MRPL48: variants seen among roughly 807,000 people sequenced by gnomAD.
The protein encoded by MRPL48 is large ribosomal subunit protein mL48.
MRPL48 carries 16 observed loss-of-function variants against 32.9 expected under a neutral mutation model. The observed-to-expected ratio is 0.49, with a 90% CI of 0.33 to 0.74. MRPL48 has a LOEUF of 0.74. Ranked by LOEUF, MRPL48 falls within the 30% of genes least tolerant of loss-of-function variation. The probability of loss-of-function intolerance (pLI) is 0.02; values close to 1 mark genes in which losing one functional copy is unlikely to be tolerated. For synonymous variants in MRPL48, 94 were observed against 89.2 expected, an observed-to-expected ratio of 1.05 and a Z score of -0.31; for missense variants, 206 against 245.3, an observed-to-expected ratio of 0.84 and a Z score of 1.07.
At chr11:73,822,340 CAT>C (rs1947798534) in intron 3 of MRPL48, among the ~76,000 whole-genome samples, 1 of 152,196 alleles carries the variant, frequency 6.6e-6, no homozygotes. Flanking sequence ...GCACCTATGA[CAT>C]TGCTCACGTG....
At chr11:73,863,363 G>A in intron 7 of MRPL48, 102 bp downstream of exon 7, 2 of 976,916 alleles carry the variant, frequency 2.0e-6, no homozygotes, top group Non-Finnish European at 3.1e-6. Context: ...AGAGAAATGT[G>A]GATAATGTGA....
intron 3 of MRPL48, among the ~76,000 whole-genome samples, chr11:73,813,901 C>T (rs1368617286): frequency 6.6e-6 from 1 of 151,558 alleles, no homozygotes; most frequent in Non-Finnish European, 1.5e-5. Context: ...ATGAGTGGGA[C>T]GTGGTGGCAG....
chr11:73,825,284 A>ATATATGTG (rs146232365), intron 3 of MRPL48, among the ~76,000 whole-genome samples: 4 of 139,914 alleles, frequency 2.9e-5, no homozygotes, highest in Non-Finnish European at 3.1e-5. Context: ...TTTTTTATAT[A>ATATATGTG]TGTGTGTGTG....
At chr11:73,827,552 TAAG>T (rs66585333) in intron 4 of MRPL48, among the ~76,000 whole-genome samples, 8,372 of 152,314 alleles carry the variant, frequency 0.055, 256 homozygotes, top group Middle Eastern at 0.11. Flanking sequence ...ATGCAAGGTA[TAAG>T]ATCTGTCTTT....
chr11:73,825,701 C>T lies in MRPL48; in HGVS notation c.113-7C>T, dbSNP rs1396664641. 2 of 1,553,804 alleles carry T rather than the reference C, an allele frequency of 1.3e-6. No individual in the cohort carries two copies. The highest frequency in any genetic ancestry group is 1.7e-6 in the Non-Finnish European group (2 of 1,148,026). ...AAAACAGGTTTGTCTTATTTTCTCT[C>T]TTTTAGGTGGAATTCTACTAAGTAT... is the stretch of plus-strand genomic sequence containing the variant. On this transcript the variant is annotated splice_polypyrimidine_tract_variant and splice_region_variant and intron_variant, in intron 3 of 7. Coordinates refer to ENST00000310614, the MANE Select transcript of MRPL48 (RefSeq NM_016055.6).
chr11:73,859,343 G>A (rs1268498104), intron 5 of MRPL48, among the ~76,000 whole-genome samples: 2 of 150,604 alleles, frequency 1.3e-5, no homozygotes, highest in African/African-American at 2.4e-5. Context: ...GTGCAGTGGC[G>A]CAATCTTGGC....
chr11:73,816,356 G>T (rs921739674), intron 3 of MRPL48, among the ~76,000 whole-genome samples: 13 of 118,220 alleles, frequency 1.1e-4, no homozygotes, highest in African/African-American at 4.2e-4. Context: ...CACCGTGCCC[G>T]GCCGGAACTA....
At chr11:73,839,885 G>A (rs944267835) in intron 4 of MRPL48, among the ~76,000 whole-genome samples, 1 of 152,040 alleles carries the variant, frequency 6.6e-6, no homozygotes, top group Non-Finnish European at 1.5e-5. Flanking sequence ...ATCGCTTGAG[G>A]TCAGGAGTTT....
chr11:73,846,973 CT>C (rs1163221785), intron 5 of MRPL48, among the ~76,000 whole-genome samples: 310 of 141,402 alleles, frequency 2.2e-3, no homozygotes, highest in Admixed American at 2.6e-3. Flanking sequence ...TTCTTTTTTT[CT>C]TTTTTTTTTT....
intron 3 of MRPL48, among the ~76,000 whole-genome samples, chr11:73,811,893 A>C (rs986447973): frequency 2.6e-5 from 4 of 152,080 alleles, no homozygotes; most frequent in African/African-American, 4.8e-5. Context: ...GCCCTTTCCC[A>C]GTCTTTTTTT....
intron 1 of MRPL48, among the ~76,000 whole-genome samples, chr11:73,804,284 C>T (rs540136394): frequency 6.8e-6 from 1 of 146,690 alleles, no homozygotes; most frequent in East Asian, 2.0e-4. Context: ...AGTCAGTCCT[C>T]TTTTTTTTTT....
intron 4 of MRPL48, among the ~76,000 whole-genome samples, chr11:73,831,619 G>A (rs1373023987): frequency 6.6e-6 from 1 of 151,926 alleles, no homozygotes; most frequent in Non-Finnish European, 1.5e-5. Flanking sequence ...AAAGGCTTCA[G>A]ATATTTGGAG....
At chr11:73,791,634 G>T (rs547776882) in intron 1 of MRPL48, among the ~76,000 whole-genome samples, 2 of 151,924 alleles carry the variant, frequency 1.3e-5, no homozygotes, top group African/African-American at 4.8e-5. Context: ...ACCCAAGCTG[G>T]TCTCAAACTC....
intron 1 of MRPL48, among the ~76,000 whole-genome samples, chr11:73,802,904 C>T (rs1947384587): frequency 6.6e-6 from 1 of 151,826 alleles, no homozygotes; most frequent in East Asian, 1.9e-4. Flanking sequence ...CCTATGTTGG[C>T]CAGGCTGGTC....
At chr11:73,790,100 C>T (rs1364308428) in intron 1 of MRPL48, among the ~76,000 whole-genome samples, 3 of 132,602 alleles carry the variant, frequency 2.3e-5, no homozygotes, top group Non-Finnish European at 3.1e-5. Context: ...GACAGAGTCT[C>T]CCTCTGTCGC....
chr11:73,787,964 A>G lies in MRPL48; in HGVS notation c.-8A>G, dbSNP rs1947070044. 1 of 1,613,152 alleles carries G rather than the reference A, an allele frequency of 6.2e-7. No individual in the cohort carries two copies. The highest frequency in any genetic ancestry group is 1.7e-5 in the Admixed American group (1 of 59,906). ...TTTGCACAGCTAGAGGCCGCGCAGC[A>G]GCAAAGGATGAGCGGAACCTTGGAA... On this transcript the variant is annotated 5_prime_UTR_variant, in exon 1 of 8. Coordinates refer to ENST00000310614, the MANE Select transcript of MRPL48 (RefSeq NM_016055.6).
At chr11:73,803,265 G>A (rs1947389428) in intron 1 of MRPL48, among the ~76,000 whole-genome samples, 1 of 151,534 alleles carries the variant, frequency 6.6e-6, no homozygotes, top group African/African-American at 2.4e-5. Flanking sequence ...CAAGTAGCTG[G>A]GACTACAGGC....
intron 4 of MRPL48, among the ~76,000 whole-genome samples, chr11:73,844,095 T>TG (rs766500194): frequency 8.6e-5 from 13 of 151,040 alleles, no homozygotes; most frequent in Non-Finnish European, 1.5e-4. Context: ...AAAAAAATAT[T>TG]GGGGGGCTCA....
intron 6 of MRPL48, among the ~76,000 whole-genome samples, chr11:73,861,664 C>T (rs1231704289): frequency 1.3e-5 from 2 of 152,138 alleles, no homozygotes; most frequent in African/African-American, 4.8e-5. Context: ...CCACTGTGCC[C>T]GGCCAATGGA....
Sources: gnomAD v4.1 joint callset for allele counts (sites outside exome capture counted in the v4.1 genomes callset) on GRCh38, gnomAD v4.1.1 for gene constraint, MANE v1.5 for transcripts, NCBI Gene and HGNC (gene_info 2026-07-23, HGNC 2026-07-21) for gene names.